LFNG: variants seen among roughly 807,000 people sequenced by gnomAD.
LFNG encodes LFNG O-fucosylpeptide 3-beta-N-acetylglucosaminyltransferase, also known as beta-1,3-N-acetylglucosaminyltransferase lunatic fringe.
LFNG carries 15 observed loss-of-function variants against 32.7 expected under a neutral mutation model. The observed-to-expected ratio is 0.46, with a 90% CI of 0.31 to 0.71. The LOEUF is 0.71. Ranked by LOEUF, LFNG falls within the 30% of genes least tolerant of loss-of-function variation. The pLI, the probability that LFNG is intolerant of heterozygous loss-of-function variation, is 0.06. For missense variants in LFNG, 520 were observed against 545.7 expected (o/e 0.95, Z 0.47); for synonymous variants, 274 against 246.8 (o/e 1.11, Z -1.03).
In LFNG at chr7:2,526,690, T is replaced by G. The variant is rs1779986903; in HGVS notation, c.988-146T>G. On this transcript the variant is annotated intron_variant, in intron 6 of 7. Transcript: ENST00000222725. This position sits in a 1 kb window ranked among gnomAD's most constrained non-coding sequence, Gnocchi z 6.9. ...GCTGGTCCCCAGTTTGGGACCTTAT[T>G]CCTGGGGTGTGCAGGGCAGGTGTCC... The G allele has an allele frequency of 1.3e-6, 1 of 793,722 alleles. No homozygotes were observed. The highest frequency in any genetic ancestry group is 2.1e-6 in the Non-Finnish European group (1 of 469,772). The allele number at this position is 793,722 out of a possible 1,614,324, so 49.2% of individuals were successfully genotyped here.
upstream of LFNG, among the ~76,000 whole-genome samples, chr7:2,514,992 GTCCA>G (rs1779587248): frequency 7.5e-6 from 1 of 132,478 alleles, no homozygotes. Context: ...CCATCCGTCC[GTCCA>G]TCCATCTGTC....
chr7:2,525,284 G>A lies in LFNG; in HGVS notation c.547G>A (p.Val183Met), dbSNP rs527357436. 115 of 1,613,016 alleles carry A rather than the reference G, an allele frequency of 7.1e-5. No individual in the cohort carries two copies. In the South Asian group the frequency reaches 1.0e-3, roughly 14 times the overall value. Residue 183 changes from valine (V) to methionine (M), a missense_variant, in exon 3 of 8, where the codon GTG becomes ATG. Val to Met is a conservative substitution (Grantham distance 21). Transcript: ENST00000222725. ...SRQALSCKMA[V>M]EYDRFIESGR... ...CCAGGCGCTGTCCTGCAAGATGGCCGTGGAGTATGACCGCTTCATCGAGTC... is the reference window on the plus strand; with the variant it reads ...CCAGGCGCTGTCCTGCAAGATGGCCATGGAGTATGACCGCTTCATCGAGTC...
In LFNG at chr7:2,526,907, G is replaced by A. The variant is rs761502412; in HGVS notation, c.1059G>A (p.Glu353=). The change falls in exon 7 of 8, where the codon GAG becomes GAA. Residue 353 remains glutamate, a synonymous_variant. Transcript: ENST00000222725. The surrounding 1 kb of genome is among the most constrained non-coding windows in gnomAD (Gnocchi z 6.9). ...AVHVKGPFSV[E]ADPSRFRSIH... ...ACGTGAAGGGGCCCTTCTCGGTGGA[G>A]GCCGACCCATCCAGGTAAGGAAACC... 7 of 1,599,774 alleles carry A rather than the reference G, an allele frequency of 4.4e-6. No individual in the cohort carries two copies. The Admixed American group carries it at 1.2e-4, about 27-fold the overall frequency.
At position 2,526,203 on chromosome 7, in the gene LFNG, TC is replaced by T. The variant is rs780081539; in HGVS notation, c.822-38del. ...GCCTCCCCAGCTCCCAGCAGATGGC[TC>T]CCGCCTCTGCTCACTGGTCTGGGCC... is the stretch of plus-strand genomic sequence containing the variant. On this transcript the variant is annotated intron_variant, in intron 5 of 7. Coordinates refer to ENST00000222725, the MANE Select transcript of LFNG (RefSeq NM_001040167.2). This position sits in a 1 kb window ranked among gnomAD's most constrained non-coding sequence, Gnocchi z 6.9. 1.9e-5 allele frequency: 30 copies of T among 1,608,006 alleles called. No individual in the cohort carries two copies. Among genetic ancestry groups the T allele is most frequent in the Non-Finnish European group, 2.5e-5 (29 of 1,177,618 alleles).
chr7:2,517,518 C>T (rs1489466617), upstream of LFNG, among the ~76,000 whole-genome samples: 5 of 152,166 alleles, frequency 3.3e-5, no homozygotes, highest in East Asian at 1.9e-4. Context: ...ATTGCTCCCA[C>T]GACCTGCTGG....
chr7:2,517,359 C>T (rs1165112440), upstream of LFNG, among the ~76,000 whole-genome samples: 2 of 152,156 alleles, frequency 1.3e-5, no homozygotes, highest in South Asian at 4.1e-4. Flanking sequence ...AGCATCAGGT[C>T]CCCCACTCCT....
At chr7:2,519,672 C>A (rs927096766), upstream of LFNG, among the ~76,000 whole-genome samples, 8 of 149,248 alleles carry the variant, frequency 5.4e-5, no homozygotes, top group South Asian at 1.7e-3. Flanking sequence ...CGTGGAGCGG[C>A]GACCGGCGCG....
In LFNG at chr7:2,520,053, C is replaced by T. The variant is rs1779741815; in HGVS notation, c.192C>T (p.Pro64=). Residue 64 remains proline, a synonymous_variant, in exon 1 of 8, where the codon CCC becomes CCT. Transcript: ENST00000222725. The surrounding 1 kb of genome is among the most constrained non-coding windows in gnomAD (Gnocchi z 5.0). ...GGCTGGGGGCGGCGGCGGCGGCGCC[C>T]GGGGCGCTGGTCCGCGACGTGCACA... The part of the protein sequence containing the change: ...APGLGAAAAA[P]GALVRDVHSL... 2 of 1,128,588 alleles carry T rather than the reference C, an allele frequency of 1.8e-6. No individual in the cohort carries two copies. Among genetic ancestry groups the T allele is most frequent in the South Asian group, 3.6e-5 (1 of 27,972 alleles). The allele number at this position is 1,128,588 out of a possible 1,614,324, so 69.9% of individuals were successfully genotyped here.
In LFNG at chr7:2,526,381, A is replaced by C. The variant is rs1187202518; in HGVS notation, c.959A>C (p.Gln320Pro). ...LFHSHLENLQ[Q>P]VPTSELHEQV... The stretch of plus-strand genomic sequence containing the variant: ...CACTCCCACCTGGAGAACCTGCAGC[A>C]GGTGCCCACCTCGGAGCTCCACGAG... Residue 320 changes from glutamine (Q) to proline (P), a missense_variant, in exon 6 of 8, where the codon CAG becomes CCG. Gln to Pro is a moderately conservative substitution (Grantham distance 76). Around this residue, in one of 3 missense-constraint regions of LFNG, gnomAD observed 150 missense variants for 159.9 expected, o/e 0.94. Coordinates refer to ENST00000222725, the MANE Select transcript of LFNG (RefSeq NM_001040167.2). This position sits in a 1 kb window ranked among gnomAD's most constrained non-coding sequence, Gnocchi z 6.9. The C allele has an allele frequency of 6.2e-7, 1 of 1,610,638 alleles. No individual in the cohort carries two copies. The highest frequency in any genetic ancestry group is 8.5e-7 in the Non-Finnish European group (1 of 1,179,924).
upstream of LFNG, among the ~76,000 whole-genome samples, chr7:2,516,521 G>T (rs913612395): frequency 3.3e-5 from 5 of 152,210 alleles, no homozygotes; most frequent in African/African-American, 9.6e-5. Context: ...TCCAGCAGGA[G>T]AACCCCCGGG....
At chr7:2,517,982 C>G, upstream of LFNG, 1 of 1,011,552 alleles carries the variant, frequency 9.9e-7, no homozygotes, top group Non-Finnish European at 1.2e-6. Flanking sequence ...TGGAGGCTGC[C>G]CAAGTGATTC....
chr7:2,526,486 G>T lies in LFNG; in HGVS notation c.987+77G>T. 6.6e-7 allele frequency: 1 copy of T among 1,514,420 alleles called. No homozygotes were observed. The highest frequency in any genetic ancestry group is 1.7e-5 in the Admixed American group (1 of 59,296). The allele number at this position is 1,514,420 out of a possible 1,614,324, so 93.8% of individuals were successfully genotyped here. A position where few individuals can be genotyped will look rare whatever the true frequency, so the allele number is the denominator to read the frequency against. The stretch of plus-strand genomic sequence containing the variant: ...TGTGGCTGCCGAGAGGGGCGCAGTG[G>T]GGTGGGGCACTGTTCTAAACAGGGA... On this transcript the variant is annotated intron_variant, in intron 6 of 7. Transcript: ENST00000222725. The surrounding 1 kb of genome is among the most constrained non-coding windows in gnomAD (Gnocchi z 6.9).
chr7:2,513,693 C>T (rs904011836), upstream of LFNG, among the ~76,000 whole-genome samples: 1 of 152,346 alleles, frequency 6.6e-6, no homozygotes, highest in South Asian at 2.1e-4. Context: ...GGCTGCCACA[C>T]AAGCCAGCCA....
rs1429495177 is a variant in LFNG, at chr7:2,527,170, G to A, written c.1098G>A (p.Leu366=). The change falls in exon 8 of 8, where the codon CTG becomes CTA. Residue 366 remains leucine (L), a synonymous_variant. Coordinates refer to ENST00000222725, the MANE Select transcript of LFNG (RefSeq NM_001040167.2). The surrounding 1 kb of genome is among the most constrained non-coding windows in gnomAD (Gnocchi z 4.4). ...GGTTCCGCTCCATCCACTGCCACCT[G>A]TACCCGGACACACCCTGGTGTCCCC... The part of the protein sequence containing the change: ...PSRFRSIHCH[L]YPDTPWCPRT... 1.2e-6 allele frequency: 2 copies of A among 1,612,974 alleles called. No individual in the cohort carries two copies. Among genetic ancestry groups the A allele is most frequent in the Non-Finnish European group, 1.7e-6 (2 of 1,179,952 alleles).
At chr7:2,515,008 A>C (rs543115496), upstream of LFNG, among the ~76,000 whole-genome samples, 2 of 148,254 alleles carry the variant, frequency 1.3e-5, no homozygotes, top group African/African-American at 5.0e-5. Context: ...CCATCTGTCC[A>C]TTCATCTGTC....
At chr7:2,516,319 A>G (rs1195123353), upstream of LFNG, among the ~76,000 whole-genome samples, 2 of 152,206 alleles carry the variant, frequency 1.3e-5, no homozygotes, top group East Asian at 1.9e-4. Flanking sequence ...TGCCGAGTTA[A>G]TGGGTCACCC....
upstream of LFNG, among the ~76,000 whole-genome samples, chr7:2,515,422 A>T (rs556329973): frequency 6.6e-6 from 1 of 152,278 alleles, no homozygotes; most frequent in South Asian, 2.1e-4. Flanking sequence ...TGTGATCAGC[A>T]CCAGGATGGG....
chr7:2,512,628 G>A, exon 1 of LFNG: 1 of 1,612,926 alleles, frequency 6.2e-7, no homozygotes, highest in Non-Finnish European at 8.5e-7. Context: ...CTCCCTCCCT[G>A]GCCACAAGGA....
At position 2,527,431 on chromosome 7, in the gene LFNG, C is replaced by T. The variant is rs990345524; in HGVS notation, c.*219C>T. 2.3e-5 allele frequency: 33 copies of T among 1,445,564 alleles called. No individual in the cohort carries two copies. The highest frequency in any genetic ancestry group is 2.9e-5 in the Non-Finnish European group (32 of 1,098,934). The allele number at this position is 1,445,564 out of a possible 1,614,324, so 89.5% of individuals were successfully genotyped here. ...GGCGGGCACCAGCGCCACTTATGTG[C>T]CTCTGCTCCGAGGGCCAGTGGGCTG... On this transcript the variant is annotated 3_prime_UTR_variant, in exon 8 of 8. Coordinates refer to ENST00000222725, the MANE Select transcript of LFNG (RefSeq NM_001040167.2). The surrounding 1 kb of genome is among the most constrained non-coding windows in gnomAD (Gnocchi z 4.4).
Sources: gnomAD v4.1 joint callset for allele counts (sites outside exome capture counted in the v4.1 genomes callset) on GRCh38, gnomAD v4.1.1 for gene constraint, gnomAD v4.1.1 regional missense constraint, Gnocchi (gnomAD v3.1) non-coding constraint, MANE v1.5 for transcripts, NCBI Gene and HGNC (gene_info 2026-07-23, HGNC 2026-07-21) for gene names.